Variants in SRRM4 observed in about 807,000 individuals in gnomAD.
SRRM4 encodes serine/arginine repetitive matrix protein 4.
A neutral mutation model predicts 68.9 loss-of-function variants in SRRM4; 33 were observed. The ratio of observed to expected loss-of-function variants is 0.48; its 90% CI spans 0.36 to 0.64. The LOEUF is 0.64. Among genes scored for constraint, SRRM4 ranks in the 30% least tolerant of loss-of-function variants. SRRM4 has a pLI of 0.00. For synonymous variants in SRRM4, 318 were observed against 318.8 expected (o/e 1.00, Z 0.03); for missense variants, 817 against 827.1 (o/e 0.99, Z 0.15).
chr12:119,064,195 C>T (rs542856779), intron 1 of SRRM4, among the ~76,000 whole-genome samples: 4 of 152,290 alleles, frequency 2.6e-5, no homozygotes, highest in Admixed American at 2.6e-4. Flanking sequence ...ATTATTAATT[C>T]ATTTCTAAAG....
chr12:119,075,568 AATGGTGATG>A lies in SRRM4; in HGVS notation c.132-26655_132-26647del, dbSNP rs1480831010. On this transcript the variant is annotated intron_variant, in intron 1 of 12. Transcript: ENST00000267260. ...TGATGGTGATGATGATGGTGATGAT[AATGGTGATG>A]ATGGTGATGATGATGATGATGATGT... 1.1e-4 allele frequency among the ~76,000 whole-genome samples: 12 copies of A among 111,438 alleles called. No individual in the cohort carries two copies. In the South Asian group the frequency reaches 3.8e-3, roughly 35 times the overall value. The allele number at this position is 111,438 out of a possible 152,430, so 73.1% of individuals were successfully genotyped here.
At chr12:119,061,030 G>A (rs868742549) in intron 1 of SRRM4, among the ~76,000 whole-genome samples, 12 of 152,134 alleles carry the variant, frequency 7.9e-5, no homozygotes, top group Middle Eastern at 6.8e-3. Flanking sequence ...TACTCCCTCC[G>A]TGCACCTCTT....
At chr12:119,082,144 G>C (rs145459134) in intron 1 of SRRM4, among the ~76,000 whole-genome samples, 2 of 151,968 alleles carry the variant, frequency 1.3e-5, no homozygotes, top group Non-Finnish European at 2.9e-5. Flanking sequence ...CTCATTATTC[G>C]GCAGGAGTTA....
intron 1 of SRRM4, among the ~76,000 whole-genome samples, chr12:119,056,898 TTAAG>T (rs1953779779): frequency 6.6e-6 from 1 of 152,232 alleles, no homozygotes; most frequent in Admixed American, 6.5e-5. Context: ...GTCTTGTTCA[TTAAG>T]TTTCTGCAGA....
intron 1 of SRRM4, among the ~76,000 whole-genome samples, chr12:119,047,354 G>A (rs1461049900): frequency 6.6e-6 from 1 of 151,834 alleles, no homozygotes; most frequent in Non-Finnish European, 1.5e-5. Context: ...ATTTCAATAG[G>A]TTTTTGGGGA....
At chr12:119,121,563 G>A (rs564386588) in intron 5 of SRRM4, among the ~76,000 whole-genome samples, 19 of 152,306 alleles carry the variant, frequency 1.2e-4, no homozygotes, top group African/African-American at 4.6e-4. Flanking sequence ...TTGAACAGCA[G>A]TCAAGAGCAT....
Position 119,157,297 on chromosome 12 carries a change from T to A in SRRM4, c.*499T>A, listed in dbSNP as rs1286973094. 6.3e-6 allele frequency: 1 copy of A among 157,516 alleles called. No individual in the cohort carries two copies. Among genetic ancestry groups the A allele is most frequent in the African/African-American group, 2.4e-5 (1 of 41,486 alleles). The allele number at this position is 157,516 out of a possible 1,614,324, so 9.8% of individuals were successfully genotyped here. On this transcript the variant is annotated 3_prime_UTR_variant, in exon 13 of 13. Transcript: ENST00000267260. This position sits in a 1 kb window ranked among gnomAD's most constrained non-coding sequence, Gnocchi z 4.1. ...GACCAATGGCAGTTCAGGTTCAAGA[T>A]AACGGGGTCAGGCCTTTAACTTCCT... is the stretch of plus-strand genomic sequence containing the variant.
intron 2 of SRRM4, 52 bp downstream of exon 2, chr12:119,102,434 T>G: frequency 6.8e-7 from 1 of 1,472,524 alleles, no homozygotes; most frequent in Non-Finnish European, 9.2e-7. Context: ...AAAGTCTGCC[T>G]CTCTGGCCAT....
intron 1 of SRRM4, among the ~76,000 whole-genome samples, chr12:119,064,443 G>A (rs1441777040): frequency 6.6e-6 from 1 of 152,132 alleles, no homozygotes; most frequent in East Asian, 1.9e-4. Flanking sequence ...TGATGGCACT[G>A]GAGTATGAAA....
chr12:119,019,746 T>C (rs1192686581), intron 1 of SRRM4, among the ~76,000 whole-genome samples: 1 of 152,152 alleles, frequency 6.6e-6, no homozygotes, highest in East Asian at 1.9e-4. Context: ...TCCCCTTTCC[T>C]GCTATTTTAT....
intron 1 of SRRM4, among the ~76,000 whole-genome samples, chr12:118,997,759 T>C (rs12305005): frequency 0.048 from 7,367 of 152,244 alleles, 229 homozygotes; most frequent in East Asian, 0.13. Context: ...CTCAAAATAT[T>C]GTCCCATTGC....
At chr12:118,987,075 A>C (rs1953287210) in intron 1 of SRRM4, among the ~76,000 whole-genome samples, 1 of 152,116 alleles carries the variant, frequency 6.6e-6, no homozygotes, top group Non-Finnish European at 1.5e-5. Context: ...AGAATGATGA[A>C]GAGTTTGAGC....
At chr12:119,072,054 G>A (rs1953881049) in intron 1 of SRRM4, among the ~76,000 whole-genome samples, 1 of 152,004 alleles carries the variant, frequency 6.6e-6, no homozygotes, top group South Asian at 2.1e-4. Context: ...GCTTCTCCAA[G>A]GCTCAGTTTC....
intron 4 of SRRM4, among the ~76,000 whole-genome samples, chr12:119,119,154 T>C (rs763989494): frequency 1.3e-5 from 2 of 151,718 alleles, no homozygotes; most frequent in Non-Finnish European, 2.9e-5. Context: ...ACCTAGGTGA[T>C]GGGTTGATAG....
At chr12:118,996,508 A>T (rs1247551373) in intron 1 of SRRM4, among the ~76,000 whole-genome samples, 3 of 152,250 alleles carry the variant, frequency 2.0e-5, no homozygotes, top group African/African-American at 7.2e-5. Flanking sequence ...GGCAGGAGTT[A>T]ATAGTATCAA....
At chr12:119,064,489 G>T (rs77919412) in intron 1 of SRRM4, among the ~76,000 whole-genome samples, 3 of 152,286 alleles carry the variant, frequency 2.0e-5, no homozygotes, top group Middle Eastern at 6.8e-3. Flanking sequence ...CTGGTTTCCT[G>T]TTTATTAAAA....
intron 2 of SRRM4, among the ~76,000 whole-genome samples, chr12:119,106,562 T>G (rs1168104229): frequency 1.3e-5 from 2 of 152,234 alleles, no homozygotes; most frequent in African/African-American, 4.8e-5. Flanking sequence ...TTTTATTCTC[T>G]TTGAAGCAAT....
Position 119,154,306 on chromosome 12 carries a change from G to C in SRRM4, c.1455G>C (p.Arg485=), listed in dbSNP as rs71452687. 1 of 1,612,438 alleles carries C rather than the reference G, an allele frequency of 6.2e-7. No homozygotes were observed. The change falls in exon 12 of 13, where the codon CGG becomes CGC. Residue 485 remains arginine (R), a synonymous_variant. Transcript: ENST00000267260. The surrounding 1 kb of genome is among the most constrained non-coding windows in gnomAD (Gnocchi z 4.7). ...SQQRERERAR[R]RRRSYSPMRK... ...AGCGGGAGCGCGAGCGAGCGCGTCG[G>C]AGACGTCGGTCCTACTCGCCTATGA...
intron 1 of SRRM4, among the ~76,000 whole-genome samples, chr12:118,988,412 G>C (rs892777665): frequency 2.6e-5 from 4 of 152,210 alleles, no homozygotes; most frequent in Non-Finnish European, 5.9e-5. Flanking sequence ...CCGTGGAAGG[G>C]AGCTGCTCAT....
Sources: allele counts gnomAD v4.1 joint callset (sites outside exome capture counted in the v4.1 genomes callset), GRCh38; gene constraint gnomAD v4.1.1; non-coding constraint Gnocchi (gnomAD v3.1); transcripts MANE v1.5; gene names NCBI Gene and HGNC (gene_info 2026-07-23, HGNC 2026-07-21).